Variants in PRKCZ observed in about 807,000 individuals in gnomAD.
PRKCZ encodes the protein protein kinase C zeta.
A neutral mutation model predicts 79.5 loss-of-function variants in PRKCZ; 33 were observed. That is an observed-to-expected ratio of 0.41 (90% CI 0.31 to 0.55). PRKCZ has a LOEUF of 0.55. PRKCZ is among the 20% of genes least tolerant of loss of function. The probability of loss-of-function intolerance (pLI) is 0.19; values close to 1 mark genes in which losing one functional copy is unlikely to be tolerated. For synonymous variants in PRKCZ, 342 were observed against 320.9 expected (o/e 1.07, Z -0.70); for missense variants, 578 against 813.5 (o/e 0.71, Z 3.52).
At chr1:2,054,889 C>G (rs1319995003) in intron 1 of PRKCZ, among the ~76,000 whole-genome samples, 3 of 151,916 alleles carry the variant, frequency 2.0e-5, no homozygotes, top group Non-Finnish European at 4.4e-5. Context: ...CTCATTCTTT[C>G]CAGCCAGGTA....
chr1:2,130,972 G>A (rs531814762), intron 4 of PRKCZ, among the ~76,000 whole-genome samples: 6 of 152,188 alleles, frequency 3.9e-5, no homozygotes, highest in South Asian at 2.1e-4. Flanking sequence ...CAGTACTCCC[G>A]CCTGACACAG....
rs1672071915 is a variant in PRKCZ, at chr1:2,121,713, GTTAGGGTCACGGCGGTAC to G, written c.335-13532_335-13515del. ...GGTGGTGGTTAGGGTCACGGTGGTA[GTTAGGGTCACGGCGGTAC>G]TTAGGGTCACGGCGGTGGTTAGGGT... is the stretch of plus-strand genomic sequence containing the variant. On this transcript the variant is annotated intron_variant, in intron 4 of 17. Transcript: ENST00000378567. 2.4e-5 allele frequency among the ~76,000 whole-genome samples: 3 copies of G among 123,566 alleles called. 1 individual carries two copies. The highest frequency in any genetic ancestry group is 8.3e-5 in the Admixed American group (1 of 12,098). 81.1% of individuals were successfully genotyped at this position (123,566 alleles called of 152,430 possible).
intron 4 of PRKCZ, among the ~76,000 whole-genome samples, chr1:2,071,030 G>A (rs938660288): frequency 2.7e-5 from 4 of 149,068 alleles, no homozygotes; most frequent in African/African-American, 9.8e-5. Flanking sequence ...CCATGGAGTC[G>A]CCTGCTGGGA....
At chr1:2,166,940 G>C (rs934255850) in intron 10 of PRKCZ, among the ~76,000 whole-genome samples, 1 of 152,278 alleles carries the variant, frequency 6.6e-6, no homozygotes, top group Admixed American at 6.5e-5. Context: ...ACCAGCGTGA[G>C]GAGAGGAGTG....
intron 9 of PRKCZ, among the ~76,000 whole-genome samples, chr1:2,152,185 CT>C (rs1680030181): frequency 6.6e-6 from 1 of 152,154 alleles, no homozygotes; most frequent in Non-Finnish European, 1.5e-5. Context: ...CTTCATAGAC[CT>C]TTTTCTTTTA....
intron 10 of PRKCZ, 51 bp downstream of exon 10, chr1:2,156,143 T>G (rs751835693): frequency 6.6e-7 from 1 of 1,511,088 alleles, no homozygotes; most frequent in South Asian, 1.1e-5. Flanking sequence ...AGATGTGAAC[T>G]GCACAGAAGC....
rs1025865981 is a variant in PRKCZ, at chr1:2,173,097, C to T, written c.1285+709C>T. ...ATGCATACTGTGTTTGTACACACTC[C>T]ACCCACTTCTGCATCCTGGTGTTTT... On this transcript the variant is annotated intron_variant, in intron 13 of 17. Coordinates refer to ENST00000378567, the MANE Select transcript of PRKCZ (RefSeq NM_002744.6). This position sits in a 1 kb window ranked among gnomAD's most constrained non-coding sequence, Gnocchi z 5.7. Among the ~76,000 whole-genome samples the T allele has an allele frequency of 2.0e-5, 2 of 102,092 alleles. No individual in the cohort carries two copies. Among genetic ancestry groups the T allele is most frequent in the Non-Finnish European group, 4.9e-5 (2 of 40,776 alleles). The allele number at this position is 102,092 out of a possible 152,430, so 67.0% of individuals were successfully genotyped here. A position where few individuals can be genotyped will look rare whatever the true frequency, so the allele number is the denominator to read the frequency against.
At chr1:2,175,400 TTCAC>T (rs1685264093) in intron 16 of PRKCZ, 87 bp downstream of exon 16, 27 of 961,986 alleles carry the variant, frequency 2.8e-5, no homozygotes, top group African/African-American at 6.9e-5. Flanking sequence ...AACCCCAATA[TTCAC>T]CCAACCCCCA....
At chr1:2,061,657 G>A (rs912588599) in intron 4 of PRKCZ, among the ~76,000 whole-genome samples, 2 of 152,174 alleles carry the variant, frequency 1.3e-5, no homozygotes, top group Admixed American at 1.3e-4. Flanking sequence ...GGTCAGAGGC[G>A]GGTGCTGGGG....
At chr1:2,060,584 C>T (rs1285288611) in intron 4 of PRKCZ, among the ~76,000 whole-genome samples, 1 of 152,176 alleles carries the variant, frequency 6.6e-6, no homozygotes, top group Non-Finnish European at 1.5e-5. Context: ...CATGGGATTT[C>T]CATGATCTGC....
chr1:2,106,569 C>CT (rs781689145), intron 4 of PRKCZ, among the ~76,000 whole-genome samples: 1,364 of 23,272 alleles, frequency 0.059, 421 homozygotes, highest in Non-Finnish European at 0.074. Context: ...CCAGGTAACT[C>CT]TCAGCAAGCC....
intron 4 of PRKCZ, among the ~76,000 whole-genome samples, chr1:2,103,144 C>A (rs552508300): frequency 6.6e-6 from 1 of 152,198 alleles, no homozygotes; most frequent in Admixed American, 6.5e-5. Flanking sequence ...GGAGCCACCA[C>A]GCCGGGCTAG....
At chr1:2,097,325 A>G (rs1449093129) in intron 4 of PRKCZ, among the ~76,000 whole-genome samples, 1 of 152,110 alleles carries the variant, frequency 6.6e-6, no homozygotes, top group East Asian at 1.9e-4. Flanking sequence ...TCAGGGGCCC[A>G]GGTACCTTTC....
intron 4 of PRKCZ, among the ~76,000 whole-genome samples, chr1:2,124,989 T>G (rs1287647483): frequency 1.3e-5 from 2 of 152,202 alleles, no homozygotes; most frequent in African/African-American, 4.8e-5. Context: ...CAGTTCCTGG[T>G]TCTGAGTTAT....
At chr1:2,067,291 G>A (rs1384303474) in intron 4 of PRKCZ, among the ~76,000 whole-genome samples, 2 of 152,188 alleles carry the variant, frequency 1.3e-5, no homozygotes, top group South Asian at 2.1e-4. Flanking sequence ...TTACTGTGTT[G>A]TTCAAGTTCT....
At chr1:2,079,786 C>T (rs76374564) in intron 4 of PRKCZ, among the ~76,000 whole-genome samples, 76 of 152,208 alleles carry the variant, frequency 5.0e-4, no homozygotes, top group East Asian at 3.3e-3. Context: ...CTGGCCTTTG[C>T]GGCTTCCTGG....
At chr1:2,170,473 G>C (rs959606480) in intron 11 of PRKCZ, among the ~76,000 whole-genome samples, 1 of 131,110 alleles carries the variant, frequency 7.6e-6, no homozygotes, top group Non-Finnish European at 1.6e-5. Context: ...TTCCCACAAC[G>C]CTGTTTTTAA....
At chr1:2,152,148 G>A (rs1680024975) in intron 9 of PRKCZ, among the ~76,000 whole-genome samples, 1 of 152,180 alleles carries the variant, frequency 6.6e-6, no homozygotes, top group South Asian at 2.1e-4. Context: ...ACTATGCCTG[G>A]CCTGTTTGTT....
chr1:2,170,494 A>AGAT (rs1553174311), intron 11 of PRKCZ, among the ~76,000 whole-genome samples: 1 of 152,188 alleles, frequency 6.6e-6, no homozygotes, highest in African/African-American at 2.4e-5. Flanking sequence ...AAACTGTGGC[A>AGAT]ACACACAACA....
Sources: gnomAD v4.1 joint callset for allele counts (sites outside exome capture counted in the v4.1 genomes callset) on GRCh38, gnomAD v4.1.1 for gene constraint, Gnocchi (gnomAD v3.1) non-coding constraint, MANE v1.5 for transcripts, NCBI Gene and HGNC (gene_info 2026-07-23, HGNC 2026-07-21) for gene names.